Variants in CEP85L observed in about 807,000 individuals in gnomAD.
CEP85L encodes the protein centrosomal protein of 85 kDa-like.
Under a neutral mutation model 100.3 loss-of-function variants are expected in CEP85L, and 60 were observed. The ratio of observed to expected loss-of-function variants is 0.60; its 90% CI spans 0.49 to 0.74. The LOEUF (loss-of-function observed/expected upper bound fraction) is 0.74. Ranked by LOEUF, CEP85L falls within the 30% of genes least tolerant of loss-of-function variation. The probability of loss-of-function intolerance (pLI) is 0.00; values close to 1 mark genes in which losing one functional copy is unlikely to be tolerated. For missense variants in CEP85L, 973 were observed against 936.2 expected (o/e 1.04, Z -0.51); for synonymous variants, 319 against 322.7 (o/e 0.99, Z 0.12).
At chr6:118,528,549 G>A (rs1422430041) in intron 3 of CEP85L, among the ~76,000 whole-genome samples, 1 of 152,048 alleles carries the variant, frequency 6.6e-6, no homozygotes, top group East Asian at 1.9e-4. Context: ...TACCAAACCA[G>A]CAGCAGTCTT....
intron 2 of CEP85L, among the ~76,000 whole-genome samples, chr6:118,629,374 ACCTTTACAGAGAC>A (rs1773997997): frequency 6.6e-6 from 1 of 152,224 alleles, no homozygotes; most frequent in Non-Finnish European, 1.5e-5. Flanking sequence ...CTTTATAAAG[ACCTTTACAGAGAC>A]CTCATCAAAG....
chr6:118,651,499 C>A lies in CEP85L; in HGVS notation c.-230G>T. On this transcript the variant is annotated 5_prime_UTR_variant, in exon 1 of 13. Coordinates refer to ENST00000368491, the MANE Select transcript of CEP85L (RefSeq NM_001042475.3). ...AAGCCGGCTGGGCTGAGGCCCGCGC[C>A]GGGGAAGCGGCGACTCGGCGGTGAC... 7.9e-7 allele frequency: 1 copy of A among 1,265,046 alleles called. No homozygotes were observed. Among genetic ancestry groups the A allele is most frequent in the Non-Finnish European group, 9.9e-7 (1 of 1,005,844 alleles). The allele number at this position is 1,265,046 out of a possible 1,614,324, so 78.4% of individuals were successfully genotyped here. A position where few individuals can be genotyped will look rare whatever the true frequency, so the allele number is the denominator to read the frequency against.
chr6:118,481,737 T>A, intron 8 of CEP85L, 42 bp downstream of exon 8: 1 of 1,161,480 alleles, frequency 8.6e-7, no homozygotes, highest in East Asian at 2.7e-5. Context: ...TTATGAAAAA[T>A]ACGAATAAAA....
At chr6:118,570,003 A>G (rs906159581) in intron 2 of CEP85L, among the ~76,000 whole-genome samples, 2 of 152,202 alleles carry the variant, frequency 1.3e-5, no homozygotes, top group Non-Finnish European at 1.5e-5. Context: ...AAGGGAGGCA[A>G]TTTGTACATA....
chr6:118,503,717 A>G (rs921171990), intron 5 of CEP85L, among the ~76,000 whole-genome samples: 1 of 151,892 alleles, frequency 6.6e-6, no homozygotes, highest in African/African-American at 2.4e-5. Flanking sequence ...GGTGCTGAAC[A>G]ATTGGACATC....
At chr6:118,535,613 T>C (rs1333038422) in intron 3 of CEP85L, among the ~76,000 whole-genome samples, 1 of 152,192 alleles carries the variant, frequency 6.6e-6, no homozygotes, top group African/African-American at 2.4e-5. Context: ...CCATTTTGTT[T>C]CCTCTCACCC....
chr6:118,563,083 A>G (rs990603100), intron 3 of CEP85L, among the ~76,000 whole-genome samples: 2 of 152,202 alleles, frequency 1.3e-5, no homozygotes, highest in Non-Finnish European at 2.9e-5. Context: ...GGTGGGTAGC[A>G]TAAGTGTGAT....
At chr6:118,622,635 G>A (rs1426540402) in intron 2 of CEP85L, among the ~76,000 whole-genome samples, 1 of 152,212 alleles carries the variant, frequency 6.6e-6, no homozygotes. Flanking sequence ...GAATAAATGT[G>A]TATACAGATA....
upstream of CEP85L, among the ~76,000 whole-genome samples, chr6:118,655,373 G>A (rs1775753348): frequency 6.6e-6 from 1 of 152,208 alleles, no homozygotes; most frequent in African/African-American, 2.4e-5. Flanking sequence ...AACAGATGAA[G>A]TCTTCCAAAG....
chr6:118,654,259 C>T (rs1222801996), upstream of CEP85L, among the ~76,000 whole-genome samples: 1 of 151,850 alleles, frequency 6.6e-6, no homozygotes, highest in East Asian at 1.9e-4. Flanking sequence ...CAAGCCTGGG[C>T]AACAGAGCAA....
rs1056059003 is a variant in CEP85L, at chr6:118,460,953, C to T, written c.*4452G>A. The T allele has an allele frequency of 1.1e-4, 16 of 150,862 alleles. No individual in the cohort carries two copies. The highest frequency in any genetic ancestry group is 3.6e-4 in the African/African-American group (15 of 41,132). 9.3% of individuals were successfully genotyped at this position (150,862 alleles called of 1,614,324 possible). On this transcript the variant is annotated 3_prime_UTR_variant, in exon 13 of 13. Transcript: ENST00000368491. ...AAAAACAGAACAACAAGAAGAAAACCCCTTTACAAAAAAAGAGGCAAGAAT... is the reference window on the plus strand; with the variant it reads ...AAAAACAGAACAACAAGAAGAAAACTCCTTTACAAAAAAAGAGGCAAGAAT...
chr6:118,505,325 C>T (rs1392839348), intron 5 of CEP85L, among the ~76,000 whole-genome samples: 2 of 144,506 alleles, frequency 1.4e-5, no homozygotes, highest in African/African-American at 2.6e-5. Flanking sequence ...CCTGTAATCC[C>T]AGCTACTCAG....
intron 1 of CEP85L, among the ~76,000 whole-genome samples, 191 bp from the exon 2 acceptor site, chr6:118,632,802 T>G (rs1323152068): frequency 6.6e-6 from 1 of 152,242 alleles, no homozygotes; most frequent in African/African-American, 2.4e-5. Context: ...TAAGTGTGAT[T>G]ACATAGCTTC....
chr6:118,666,520 AAGAGCTTC>A (rs1776138614), intron 1 of CEP85L, among the ~76,000 whole-genome samples: 1 of 152,174 alleles, frequency 6.6e-6, no homozygotes, highest in African/African-American at 2.4e-5. Flanking sequence ...GCTCTGTTCT[AAGAGCTTC>A]AGGGGCATTA....
At chr6:118,626,059 G>A (rs528282253) in intron 2 of CEP85L, among the ~76,000 whole-genome samples, 11 of 152,224 alleles carry the variant, frequency 7.2e-5, no homozygotes, top group African/African-American at 2.4e-4. Flanking sequence ...AGCAGTCATC[G>A]CCCAGTTCCC....
intron 2 of CEP85L, among the ~76,000 whole-genome samples, chr6:118,621,632 T>C (rs1402117565): frequency 1.3e-5 from 2 of 152,194 alleles, no homozygotes; most frequent in African/African-American, 2.4e-5. Context: ...TTGAATTTTC[T>C]AGCTAATCGA....
intron 3 of CEP85L, among the ~76,000 whole-genome samples, chr6:118,533,160 G>A (rs1186564223): frequency 6.6e-6 from 1 of 151,516 alleles, no homozygotes; most frequent in African/African-American, 2.4e-5. Context: ...GTTTAAAACA[G>A]AAAAAAACAG....
intron 10 of CEP85L, among the ~76,000 whole-genome samples, chr6:118,473,083 CAT>C (rs1316640192): frequency 1.3e-5 from 2 of 152,164 alleles, no homozygotes; most frequent in Non-Finnish European, 2.9e-5. Context: ...TATATACACA[CAT>C]AAACATGCAT....
intron 1 of CEP85L, among the ~76,000 whole-genome samples, chr6:118,672,699 G>A (rs1776346424): frequency 6.6e-6 from 1 of 152,184 alleles, no homozygotes; most frequent in African/African-American, 2.4e-5. Context: ...CTGGGAAGCA[G>A]AGGTTGCAGT....
Sources: gnomAD v4.1 joint callset for allele counts (sites outside exome capture counted in the v4.1 genomes callset) on GRCh38, gnomAD v4.1.1 for gene constraint, MANE v1.5 for transcripts, NCBI Gene and HGNC (gene_info 2026-07-23, HGNC 2026-07-21) for gene names.